The following EGFR variants were observed in gnomAD, a reference collection of about 807,000 sequenced individuals.
EGFR encodes the protein avian erythroblastic leukemia viral (v-erb-b) oncogene homolog.
EGFR carries 58 observed loss-of-function variants against 143.0 expected under a neutral mutation model. The observed-to-expected ratio is 0.41, with a 90% CI of 0.33 to 0.50. EGFR has a LOEUF of 0.50. Among genes scored for constraint, EGFR ranks in the 20% least tolerant of loss-of-function variants. The pLI, the probability that EGFR is intolerant of heterozygous loss-of-function variation, is 0.39. For missense variants in EGFR, 1,307 were observed against 1,579.0 expected, an observed-to-expected ratio of 0.83 and a Z score of 2.92; for synonymous variants, 613 against 594.4, an observed-to-expected ratio of 1.03 and a Z score of -0.45.
At chr7:55,144,811 C>T (rs886730005) in intron 3 of EGFR, among the ~76,000 whole-genome samples, 3 of 152,210 alleles carry the variant, frequency 2.0e-5, no homozygotes, top group Non-Finnish European at 4.4e-5. Flanking sequence ...GGCCCCGTCC[C>T]TCAGCAGCCA....
Position 55,174,018 on chromosome 7 carries a change from C to G in EGFR, c.2159C>G (p.Ser720Cys), listed in dbSNP as rs772799315. ...TTCAAAAAGATCAAAGTGCTGGGCT[C>G]CGGTGCGTTCGGCACGGTGTATAAG... ...TEFKKIKVLGSGAFGTVYKGL... is the reference protein window; with the variant it reads ...TEFKKIKVLGCGAFGTVYKGL... Residue 720 changes from serine to cysteine, a missense_variant, in exon 18 of 28, where the codon TCC becomes TGC. Coordinates refer to ENST00000275493, the MANE Select transcript of EGFR (RefSeq NM_005228.5). 2.5e-6 allele frequency: 4 copies of G among 1,614,242 alleles called. No individual in the cohort carries two copies. The highest frequency in any genetic ancestry group is 3.4e-6 in the Non-Finnish European group (4 of 1,180,048).
intron 1 of EGFR, among the ~76,000 whole-genome samples, chr7:55,109,066 G>T (rs990732559): frequency 6.6e-6 from 1 of 152,152 alleles, no homozygotes; most frequent in African/African-American, 2.4e-5. Context: ...GGAGAAGGTG[G>T]GAGGGACAGC....
At chr7:55,163,435 CA>C (rs1359242220) in intron 13 of EGFR, among the ~76,000 whole-genome samples, 2 of 152,218 alleles carry the variant, frequency 1.3e-5, no homozygotes, top group Admixed American at 1.3e-4. Flanking sequence ...AGGCAGGGAA[CA>C]CCTCCTCAGG....
chr7:55,186,947 G>A (rs985319517), intron 20 of EGFR, among the ~76,000 whole-genome samples: 5 of 152,198 alleles, frequency 3.3e-5, no homozygotes, highest in Non-Finnish European at 5.9e-5. Context: ...AAGCCAGATG[G>A]CCCCTCACCC....
intron 1 of EGFR, among the ~76,000 whole-genome samples, chr7:55,024,662 T>G (rs916604464): frequency 3.9e-5 from 6 of 152,210 alleles, no homozygotes; most frequent in Non-Finnish European, 7.3e-5. Flanking sequence ...AGGGCAAGTA[T>G]TGGTACCTGT....
At chr7:55,066,657 C>T (rs1789521397) in intron 1 of EGFR, among the ~76,000 whole-genome samples, 2 of 152,192 alleles carry the variant, frequency 1.3e-5, no homozygotes, top group Non-Finnish European at 2.9e-5. Context: ...AGCTGAATTC[C>T]TTCCACCGTG....
chr7:55,100,572 C>A (rs750690583), intron 1 of EGFR, among the ~76,000 whole-genome samples: 2 of 152,330 alleles, frequency 1.3e-5, no homozygotes, highest in African/African-American at 2.4e-5. Context: ...TGCAGAGTGA[C>A]CCTGCTCAAA....
chr7:55,178,336 T>G (rs1413945783), intron 19 of EGFR, among the ~76,000 whole-genome samples: 1 of 152,120 alleles, frequency 6.6e-6, no homozygotes, highest in East Asian at 1.9e-4. Context: ...CAGTTTAAAT[T>G]TAGGGTAGGC....
intron 1 of EGFR, among the ~76,000 whole-genome samples, chr7:55,025,363 G>A (rs541772103): frequency 6.6e-6 from 1 of 152,296 alleles, no homozygotes; most frequent in African/African-American, 2.4e-5. Context: ...ATAAGTATAT[G>A]TAGCAGCATA....
intron 1 of EGFR, among the ~76,000 whole-genome samples, chr7:55,083,070 C>T (rs779605624): frequency 6.6e-6 from 1 of 152,232 alleles, no homozygotes; most frequent in Non-Finnish European, 1.5e-5. Flanking sequence ...TCAGGGCCCA[C>T]TCTATACCAG....
intron 6 of EGFR, among the ~76,000 whole-genome samples, 180 bp downstream of exon 6, chr7:55,152,844 G>A (rs1785228451): frequency 1.3e-5 from 2 of 152,204 alleles, no homozygotes; most frequent in Admixed American, 6.5e-5. Context: ...CACTCACTGA[G>A]ACCTTGGGAA....
At chr7:55,176,538 A>C (rs1786597115) in intron 19 of EGFR, among the ~76,000 whole-genome samples, 1 of 152,004 alleles carries the variant, frequency 6.6e-6, no homozygotes, top group South Asian at 2.1e-4. Context: ...TGGGCAACAT[A>C]CTGAGACCCA....
At chr7:55,116,411 C>T (rs1047044256) in intron 1 of EGFR, among the ~76,000 whole-genome samples, 1 of 152,222 alleles carries the variant, frequency 6.6e-6, no homozygotes, top group Admixed American at 6.5e-5. Context: ...CCACAACTCC[C>T]TTCTAAAAAC....
At chr7:55,168,996 G>A (rs887154386) in intron 15 of EGFR, among the ~76,000 whole-genome samples, 5 of 152,106 alleles carry the variant, frequency 3.3e-5, no homozygotes, top group African/African-American at 1.2e-4. Context: ...CAGCATCAGA[G>A]CCCAGACTAC....
chr7:55,173,894 T>C (rs1261602732), intron 17 of EGFR, 27 bp from the exon 18 acceptor site: 1 of 1,614,074 alleles, frequency 6.2e-7, no homozygotes, highest in East Asian at 2.2e-5. Flanking sequence ...GAGGTGACCC[T>C]TGTCTCTGTG....
chr7:55,156,853 TGAATATAAATGG>T (rs771143727), intron 10 of EGFR, 21 bp downstream of exon 10: 2 of 1,614,082 alleles, frequency 1.2e-6, no homozygotes, highest in Non-Finnish European at 1.7e-6. Flanking sequence ...AATTATCACA[TGAATATAAATGG>T]GAAATCAGTG....
chr7:55,087,273 T>TAAAAAAAAAAAAAAAAAAA (rs373915835), intron 1 of EGFR, among the ~76,000 whole-genome samples: 4 of 102,112 alleles, frequency 3.9e-5, no homozygotes, highest in South Asian at 4.3e-4. Flanking sequence ...TCTCAATTGT[T>TAAAAAAAAAAAAAAAAAAA]AAAAAAAAAA....
At chr7:55,088,106 C>A (rs1790875612) in intron 1 of EGFR, among the ~76,000 whole-genome samples, 1 of 152,150 alleles carries the variant, frequency 6.6e-6, no homozygotes, top group Non-Finnish European at 1.5e-5. Context: ...ATCTACCACA[C>A]CTGCCCCAGT....
At chr7:55,143,166 C>G in intron 2 of EGFR, 139 bp from the exon 3 acceptor site, 1 of 802,656 alleles carries the variant, frequency 1.2e-6, no homozygotes, top group East Asian at 2.6e-5. Context: ...CTGCAATCGT[C>G]TACCTATTTT....
Sources: gnomAD v4.1 joint callset for allele counts (sites outside exome capture counted in the v4.1 genomes callset) on GRCh38, gnomAD v4.1.1 for gene constraint, MANE v1.5 for transcripts, NCBI Gene and HGNC (gene_info 2026-07-23, HGNC 2026-07-21) for gene names.